The following ART3 variants were observed in gnomAD, a reference collection of about 807,000 sequenced individuals.
ART3 encodes the protein ADP-ribosyltransferase 3 (inactive).
Under a neutral mutation model 48.5 loss-of-function variants are expected in ART3, and 49 were observed. The ratio of observed to expected loss-of-function variants is 1.01; its 90% CI spans 0.80 to 1.28. The LOEUF is 1.28. Ranked by LOEUF, ART3 falls within the 50% of genes most tolerant of loss-of-function variation. ART3 has a pLI of 0.00. For missense variants in ART3, 438 were observed against 454.3 expected (o/e 0.96, Z 0.33); for synonymous variants, 145 against 157.2 (o/e 0.92, Z 0.58).
At chr4:76,033,749 T>C (rs1473141926) in intron 1 of ART3, 1 of 152,206 alleles carries the variant, frequency 6.6e-6, no homozygotes, top group Non-Finnish European at 1.5e-5. Context: ...TTTAAACTAG[T>C]CTTGAGTATA....
rs746142444 is a variant in ART3 at position 76,022,703 on chromosome 4, C to T, written c.-10+11383C>T. On this transcript the variant is annotated intron_variant, in intron 1 of 9. Transcript: ENST00000341029. ...GGATTTCACTCACATGATCTCAACACGTGGACAAAATTGGCTTGCAGGAAT... is the reference window on the plus strand; with the variant it reads ...GGATTTCACTCACATGATCTCAACATGTGGACAAAATTGGCTTGCAGGAAT... The T allele has an allele frequency of 1.7e-5, 28 of 1,613,578 alleles. No homozygotes were observed. The highest frequency in any genetic ancestry group is 2.2e-5 in the Non-Finnish European group (26 of 1,179,810).
At position 76,104,646 on chromosome 4, in the gene ART3, C is replaced by T. The variant is rs1216657363; in HGVS notation, c.1003+17C>T. On this transcript the variant is annotated intron_variant, in intron 10 of 11. Transcript: ENST00000355810. ...CACTACCTGGTAAGCAACTGATAGG[C>T]ATGCCAGAGGGGAACATGCCAGTTT... The T allele has an allele frequency of 1.3e-6, 2 of 1,551,498 alleles. No individual in the cohort carries two copies. The highest frequency in any genetic ancestry group is 2.4e-5 in the South Asian group (2 of 84,038).
intron 1 of ART3, among the ~76,000 whole-genome samples, chr4:76,026,505 G>A (rs1578224221): frequency 6.6e-6 from 1 of 152,330 alleles, no homozygotes; most frequent in South Asian, 2.1e-4. Flanking sequence ...ATCTGGACAT[G>A]AGTATTATTG....
rs78513064 is a variant in ART3, at chr4:76,013,091, G to A, written c.-10+1771G>A. Reference sequence around the variant, plus strand: ...ACACTTATTATAGAAGAAGTGGTATGATAAAGGATTGTACAGAATAATTGG... The same window carrying A: ...ACACTTATTATAGAAGAAGTGGTATAATAAAGGATTGTACAGAATAATTGG... On this transcript the variant is annotated intron_variant, in intron 1 of 9. Coordinates refer to the ART3 transcript ENST00000341029. Among the ~76,000 whole-genome samples the A allele has an allele frequency of 2.6e-3, 397 of 152,318 alleles. 4 individuals carry two copies. In the East Asian group the frequency reaches 0.035, roughly 14 times the overall value.
At chr4:76,035,013 CAG>C in intron 1 of ART3, 4 of 1,564,038 alleles carry the variant, frequency 2.6e-6, no homozygotes, top group Non-Finnish European at 3.5e-6. Flanking sequence ...TTGGATAAAA[CAG>C]ATTATAACAT....
At chr4:76,040,030 A>T (rs1023887547) in intron 1 of ART3, among the ~76,000 whole-genome samples, 5 of 152,146 alleles carry the variant, frequency 3.3e-5, no homozygotes, top group African/African-American at 1.2e-4. Flanking sequence ...CTGATATTTT[A>T]AAAAAACATT....
chr4:76,023,289 AT>A (rs1733054005), intron 1 of ART3: 3 of 1,103,826 alleles, frequency 2.7e-6, no homozygotes, highest in Non-Finnish European at 2.7e-6. Context: ...ACTTTTACAA[AT>A]ACATTATTTC....
At chr4:76,014,273 A>G (rs1409631442) in intron 1 of ART3, among the ~76,000 whole-genome samples, 2 of 152,172 alleles carry the variant, frequency 1.3e-5, no homozygotes, top group African/African-American at 2.4e-5. Flanking sequence ...AATATACTCA[A>G]AGAACTAAAG....
At chr4:76,082,905 C>T (rs1722781676) in intron 3 of ART3, among the ~76,000 whole-genome samples, 1 of 152,104 alleles carries the variant, frequency 6.6e-6, no homozygotes, top group Non-Finnish European at 1.5e-5. Context: ...AGGACAGCCC[C>T]ACACAACAAA....
At chr4:76,020,428 C>T (rs908317032) in intron 1 of ART3, among the ~76,000 whole-genome samples, 1 of 152,068 alleles carries the variant, frequency 6.6e-6, no homozygotes, top group African/African-American at 2.4e-5. Flanking sequence ...TATGGGAATT[C>T]TTTACATATT....
Position 76,112,623 on chromosome 4 carries a change from C to G in ART3, c.*104C>G, listed in dbSNP as rs1729701073. 7.7e-7 allele frequency: 1 copy of G among 1,293,650 alleles called. No homozygotes were observed. Among genetic ancestry groups the G allele is most frequent in the African/African-American group, 1.5e-5 (1 of 66,488 alleles). The allele number at this position is 1,293,650 out of a possible 1,614,324, so 80.1% of individuals were successfully genotyped here. On this transcript the variant is annotated 3_prime_UTR_variant, in exon 12 of 12. Coordinates refer to ENST00000355810, the MANE Select transcript of ART3 (RefSeq NM_001130016.3). ...ATTTTTTACGTGTTGGCCAAAGTCA[C>G]TGGATAAAATGAGAATTGTATATTT...
In ART3 at chr4:76,066,295, C is replaced by T. The variant is rs143706560; in HGVS notation, c.-9-9586C>T. On this transcript the variant is annotated intron_variant, in intron 1 of 9. Coordinates refer to the ART3 transcript ENST00000341029. Reference sequence around the variant, plus strand: ...CTGCGTCCAGGAAGAATGAGGTATGCAGACAAATGAAGGGTGAGGAAGAAG... The same window carrying T: ...CTGCGTCCAGGAAGAATGAGGTATGTAGACAAATGAAGGGTGAGGAAGAAG... 1.1e-3 allele frequency among the ~76,000 whole-genome samples: 163 copies of T among 152,088 alleles called. 3 individuals are homozygous for T. The highest frequency in any genetic ancestry group is 3.6e-3 in the African/African-American group (151 of 41,480).
chr4:76,054,063 A>G (rs1736389238), intron 1 of ART3, among the ~76,000 whole-genome samples: 1 of 152,244 alleles, frequency 6.6e-6, no homozygotes, highest in Admixed American at 6.5e-5. Context: ...GACTAACTGA[A>G]GGAAGCTTGA....
rs113658820 is a variant in ART3 at position 76,111,244 on chromosome 4, T to G, written c.1037-1142T>G. ...CACAGTTCTCCTGTATTTTTTGTCA[T>G]GTTTGGTGCAATACCAAAAACCTTG... On this transcript the variant is annotated intron_variant, in intron 11 of 11. Transcript: ENST00000355810. Among the ~76,000 whole-genome samples, 553 of 152,318 alleles carry G rather than the reference T, an allele frequency of 3.6e-3. 6 individuals are homozygous for G. The highest frequency in any genetic ancestry group is 0.013 in the African/African-American group (532 of 41,552).
At chr4:76,057,031 T>G (rs890016961) in intron 1 of ART3, among the ~76,000 whole-genome samples, 4 of 152,202 alleles carry the variant, frequency 2.6e-5, no homozygotes, top group African/African-American at 9.7e-5. Context: ...TGATTAGTTA[T>G]TTTATCAAAT....
At chr4:76,081,800 T>G (rs752569531) in intron 2 of ART3, 24 bp from the exon 3 acceptor site, 2 of 1,578,340 alleles carry the variant, frequency 1.3e-6, no homozygotes, top group South Asian at 2.3e-5. Context: ...ATTTCAAGAG[T>G]ATTAATTTCT....
intron 9 of ART3, 31 bp downstream of exon 9, chr4:76,104,000 C>T (rs1210151788): frequency 1.2e-6 from 2 of 1,607,094 alleles, no homozygotes; most frequent in African/African-American, 2.7e-5. Context: ...CTCCCTGAGC[C>T]CAAGAATGAG....
At chr4:76,093,229 C>T (rs1443176559) in intron 3 of ART3, among the ~76,000 whole-genome samples, 2 of 152,072 alleles carry the variant, frequency 1.3e-5, no homozygotes, top group Non-Finnish European at 2.9e-5. Context: ...TGAGACCAGC[C>T]TGGGCAACAT....
chr4:76,075,868 T>C lies in ART3; in HGVS notation c.-9-13T>C. The C allele has an allele frequency of 1.3e-6, 2 of 1,599,282 alleles. No homozygotes were observed. Among genetic ancestry groups the C allele is most frequent in the Non-Finnish European group, 1.7e-6 (2 of 1,170,162 alleles). On this transcript the variant is annotated splice_polypyrimidine_tract_variant and intron_variant, in intron 1 of 11. Transcript: ENST00000355810. Reference sequence around the variant, plus strand: ...TGAGTCTACTGAATTGAAATTTCTTTATTTTAATTTAGAAGAGAAAAATGA... The same window carrying C: ...TGAGTCTACTGAATTGAAATTTCTTCATTTTAATTTAGAAGAGAAAAATGA...
Sources: gnomAD v4.1 joint callset for allele counts (sites outside exome capture counted in the v4.1 genomes callset) on GRCh38, gnomAD v4.1.1 for gene constraint, MANE v1.5 for transcripts, NCBI Gene and HGNC (gene_info 2026-07-23, HGNC 2026-07-21) for gene names.